The following PHACTR2 variants were observed in gnomAD, a reference collection of about 807,000 sequenced individuals.
PHACTR2 encodes the protein chromosome 6 open reading frame 56.
A neutral mutation model predicts 76.0 loss-of-function variants in PHACTR2; 30 were observed. The observed-to-expected ratio is 0.39, with a 90% CI of 0.30 to 0.54. The LOEUF (loss-of-function observed/expected upper bound fraction) is 0.54, where lower values mean the gene tolerates loss of function less well. Ranked by LOEUF, PHACTR2 falls within the 20% of genes least tolerant of loss-of-function variation. The pLI is 0.61. For missense variants in PHACTR2, 696 were observed against 781.1 expected (o/e 0.89, Z 1.30); for synonymous variants, 292 against 292.5 (o/e 1.00, Z 0.02).
At position 143,776,240 on chromosome 6, in the gene PHACTR2, A is replaced by G. The variant is rs564733052; in HGVS notation, c.1590-1088A>G. On this transcript the variant is annotated intron_variant, in intron 8 of 12. Coordinates refer to ENST00000440869, the MANE Select transcript of PHACTR2 (RefSeq NM_001100164.2). This position sits in a 1 kb window ranked among gnomAD's most constrained non-coding sequence, Gnocchi z 5.3. ...AAAAATTCCTTAACCTTACTGTGCT[A>G]AAAGTCTGGTCACAATTATTTGTGG... Among the ~76,000 whole-genome samples, 104 of 152,348 alleles carry G rather than the reference A, an allele frequency of 6.8e-4. 2 individuals carry two copies. The South Asian group carries it at 0.012, about 18-fold the overall frequency.
chr6:143,734,540 A>G (rs1348337276), intron 2 of PHACTR2, among the ~76,000 whole-genome samples: 1 of 152,206 alleles, frequency 6.6e-6, no homozygotes, highest in Non-Finnish European at 1.5e-5. Context: ...AGCATTCTCA[A>G]ATGAGACATG....
intron 3 of PHACTR2, among the ~76,000 whole-genome samples, chr6:143,752,310 A>C (rs1779200460): frequency 6.6e-6 from 1 of 151,972 alleles, no homozygotes; most frequent in Non-Finnish European, 1.5e-5. Flanking sequence ...GTGGTTTTCT[A>C]TTTTGTTTGG....
In PHACTR2 at chr6:143,727,646, A is replaced by G. The variant is rs368691731; in HGVS notation, c.214+15463A>G. On this transcript the variant is annotated intron_variant, in intron 2 of 12. Transcript: ENST00000440869. Reference sequence around the variant, plus strand: ...TCTGTCATTTTTTGTCTTTTTGATAATAGCCATGCTAACTGAAGTAAGATA... The same window carrying G: ...TCTGTCATTTTTTGTCTTTTTGATAGTAGCCATGCTAACTGAAGTAAGATA... Among the ~76,000 whole-genome samples the G allele has an allele frequency of 1.1e-3, 163 of 152,334 alleles. 1 individual carries two copies. Among genetic ancestry groups the G allele is most frequent in the African/African-American group, 3.8e-3 (157 of 41,580 alleles).
At position 143,789,011 on chromosome 6, in the gene PHACTR2, C is replaced by A; in HGVS notation, c.1845+101C>A. On this transcript the variant is annotated intron_variant, in intron 11 of 12. Transcript: ENST00000440869. The surrounding 1 kb of genome is among the most constrained non-coding windows in gnomAD (Gnocchi z 5.1). ...AGTCATCCCAGGGGACGAGATCTTACCAAATATTACAACAGTTTTCTGCCT... is the reference window on the plus strand; with the variant it reads ...AGTCATCCCAGGGGACGAGATCTTAACAAATATTACAACAGTTTTCTGCCT... The A allele has an allele frequency of 1.0e-6, 1 of 1,002,070 alleles. No individual in the cohort carries two copies. The highest frequency in any genetic ancestry group is 1.5e-6 in the Non-Finnish European group (1 of 668,678). 62.1% of individuals were successfully genotyped at this position (1,002,070 alleles called of 1,614,324 possible).
rs764324385 is a variant in PHACTR2, at chr6:143,647,986, C to T, written c.13+39664C>T. 1.7e-4 allele frequency among the ~76,000 whole-genome samples: 26 copies of T among 152,174 alleles called. No homozygotes were observed. Among genetic ancestry groups the T allele is most frequent in the Admixed American group, 7.9e-4 (12 of 15,284 alleles). ...GGGAAGTTGCCCCTGGCTGTGTGGC[C>T]GCAGTGGAAATAAGGGAAGCAGGTA... On this transcript the variant is annotated intron_variant, in intron 1 of 11. Coordinates refer to the PHACTR2 transcript ENST00000305766. The surrounding 1 kb of genome is among the most constrained non-coding windows in gnomAD (Gnocchi z 4.2).
chr6:143,611,974 G>A lies in PHACTR2; in HGVS notation c.13+3652G>A, dbSNP rs1165297631. Among the ~76,000 whole-genome samples, 4 of 152,326 alleles carry A rather than the reference G, an allele frequency of 2.6e-5. No individual in the cohort carries two copies. Among genetic ancestry groups the A allele is most frequent in the African/African-American group, 7.2e-5 (3 of 41,566 alleles). On this transcript the variant is annotated intron_variant, in intron 1 of 11. Coordinates refer to the PHACTR2 transcript ENST00000305766. The surrounding 1 kb of genome is among the most constrained non-coding windows in gnomAD (Gnocchi z 4.4). ...GTTTCCCGTTAGAGAATTTAAGACAGTAGTCCTGCACTACTGAACACAAGA... is the reference window on the plus strand; with the variant it reads ...GTTTCCCGTTAGAGAATTTAAGACAATAGTCCTGCACTACTGAACACAAGA...
At chr6:143,542,072 C>G (rs1462252080) in intron 1 of PHACTR2, among the ~76,000 whole-genome samples, 2 of 152,200 alleles carry the variant, frequency 1.3e-5, no homozygotes, top group African/African-American at 4.8e-5. Flanking sequence ...CTTTCTGTCT[C>G]TCCCTGGTCA....
At chr6:143,705,312 T>TTTTTTA (rs1778024994) in intron 1 of PHACTR2, among the ~76,000 whole-genome samples, 1 of 133,138 alleles carries the variant, frequency 7.5e-6, no homozygotes, top group African/African-American at 3.1e-5. Flanking sequence ...TTTTTTTTTT[T>TTTTTTA]GAGACGGAGT....
At chr6:143,686,442 A>G (rs1263402887) in intron 1 of PHACTR2, among the ~76,000 whole-genome samples, 1 of 148,154 alleles carries the variant, frequency 6.7e-6, no homozygotes, top group African/African-American at 2.5e-5. Context: ...GTAAAGAAAA[A>G]TTTATATGTA....
chr6:143,649,871 G>C (rs1035163622), intron 1 of PHACTR2, among the ~76,000 whole-genome samples: 1 of 152,060 alleles, frequency 6.6e-6, no homozygotes, highest in South Asian at 2.1e-4. Flanking sequence ...AGAAATAAAG[G>C]GTATCCAAAC....
chr6:143,558,528 G>A lies in PHACTR2; in HGVS notation c.217+21321G>A, dbSNP rs944018205. Among the ~76,000 whole-genome samples the A allele has an allele frequency of 6.6e-6, 1 of 152,164 alleles. No individual in the cohort carries two copies. Among genetic ancestry groups the A allele is most frequent in the Non-Finnish European group, 1.5e-5 (1 of 68,034 alleles). On this transcript the variant is annotated intron_variant, in intron 1 of 11. Transcript: ENST00000367584. This position sits in a 1 kb window ranked among gnomAD's most constrained non-coding sequence, Gnocchi z 4.7. ...ATCTGTTATGAGGATGAAATTAACT[G>A]TTTCCATGTCCATTTTCATTTTTTA...
At chr6:143,563,571 A>AAAAAAAAAG (rs1775315466) in intron 1 of PHACTR2, among the ~76,000 whole-genome samples, 1 of 151,284 alleles carries the variant, frequency 6.6e-6, no homozygotes, top group East Asian at 1.9e-4. Flanking sequence ...AAAAAAAAAA[A>AAAAAAAAAG]GAAGAAACCC....
intron 2 of PHACTR2, among the ~76,000 whole-genome samples, chr6:143,717,811 A>G (rs1420213345): frequency 6.6e-6 from 1 of 152,176 alleles, no homozygotes; most frequent in African/African-American, 2.4e-5. Context: ...GGCTCAAACA[A>G]TTCATCCTCC....
upstream of PHACTR2, among the ~76,000 whole-genome samples, chr6:143,672,994 G>T (rs927494899): frequency 6.6e-6 from 1 of 152,076 alleles, no homozygotes; most frequent in Non-Finnish European, 1.5e-5. This position sits in a 1 kb window ranked among gnomAD's most constrained non-coding sequence, Gnocchi z 5.8. Context: ...CAAAGTGCTG[G>T]GATTACAGGC....
intron 1 of PHACTR2, among the ~76,000 whole-genome samples, chr6:143,552,170 A>T (rs1227444975): frequency 6.6e-6 from 1 of 152,194 alleles, no homozygotes; most frequent in Non-Finnish European, 1.5e-5. Flanking sequence ...TAGTCACCTG[A>T]AAATAGTGAG....
chr6:143,581,014 T>C lies in PHACTR2; in HGVS notation c.217+43807T>C, dbSNP rs1334185317. Among the ~76,000 whole-genome samples the C allele has an allele frequency of 6.6e-6, 1 of 152,098 alleles. No homozygotes were observed. The highest frequency in any genetic ancestry group is 2.4e-5 in the African/African-American group (1 of 41,412). On this transcript the variant is annotated intron_variant, in intron 1 of 11. Transcript: ENST00000367584. This position sits in a 1 kb window ranked among gnomAD's most constrained non-coding sequence, Gnocchi z 4.5. ...TCTTCCATTACAGAACACCTACACA[T>C]CAGGAGCTCAAAAACAGATATATTC... is the stretch of plus-strand genomic sequence containing the variant.
chr6:143,813,503 A>T (rs1387500891), intron 12 of PHACTR2, among the ~76,000 whole-genome samples: 2 of 151,642 alleles, frequency 1.3e-5, no homozygotes, highest in Non-Finnish European at 2.9e-5. Context: ...CTGTAGTGCC[A>T]GCTACTCCAG....
At chr6:143,630,531 T>A (rs761052603) in intron 1 of PHACTR2, among the ~76,000 whole-genome samples, 2 of 152,174 alleles carry the variant, frequency 1.3e-5, no homozygotes, top group Non-Finnish European at 2.9e-5. Flanking sequence ...CTATCATTAA[T>A]CCTTCATAGG....
intron 1 of PHACTR2, among the ~76,000 whole-genome samples, chr6:143,563,038 G>T (rs911615011): frequency 1.3e-5 from 2 of 152,180 alleles, no homozygotes; most frequent in Non-Finnish European, 2.9e-5. Context: ...TTGATGAAAA[G>T]TTCTGGAAAC....
Sources: gnomAD v4.1 joint callset for allele counts (sites outside exome capture counted in the v4.1 genomes callset) on GRCh38, gnomAD v4.1.1 for gene constraint, Gnocchi (gnomAD v3.1) non-coding constraint, MANE v1.5 for transcripts, NCBI Gene and HGNC (gene_info 2026-07-23, HGNC 2026-07-21) for gene names.